The following CDK5RAP2 variants were observed in gnomAD, a reference collection of about 807,000 sequenced individuals.
CDK5RAP2 encodes CDK5 regulatory subunit associated protein 2.
Under a neutral mutation model 232.9 loss-of-function variants are expected in CDK5RAP2, and 147 were observed. The ratio of observed to expected loss-of-function variants is 0.63; its 90% CI spans 0.55 to 0.72. The LOEUF (loss-of-function observed/expected upper bound fraction) is 0.72, where lower values mean the gene tolerates loss of function less well. CDK5RAP2 is among the 30% of genes least tolerant of loss of function. The pLI is 0.00. For missense variants in CDK5RAP2, 2,195 were observed against 2,231.5 expected (o/e 0.98, Z 0.33); for synonymous variants, 833 against 833.7 (o/e 1.00, Z 0.01).
chr9:120,409,991 A>G (rs967273256), intron 29 of CDK5RAP2, among the ~76,000 whole-genome samples: 2 of 152,198 alleles, frequency 1.3e-5, no homozygotes, highest in African/African-American at 4.8e-5. Flanking sequence ...TGGAAGCTTC[A>G]TAAGGACGAG....
At chr9:120,561,598 C>T (rs547098726) in intron 3 of CDK5RAP2, among the ~76,000 whole-genome samples, 2 of 152,308 alleles carry the variant, frequency 1.3e-5, no homozygotes, top group South Asian at 4.1e-4. Flanking sequence ...CCACACCCAG[C>T]CTCAATAACA....
chr9:120,422,330 A>C (rs1000508248), intron 26 of CDK5RAP2, among the ~76,000 whole-genome samples: 3 of 152,200 alleles, frequency 2.0e-5, no homozygotes, highest in Non-Finnish European at 4.4e-5. Context: ...AAGGGAAGCG[A>C]GGAGAATGGG....
Position 120,403,722 on chromosome 9 carries a change from C to A in CDK5RAP2, c.5041+314G>T. The A allele has an allele frequency of 2.3e-6, 1 of 431,506 alleles. No homozygotes were observed. Among genetic ancestry groups the A allele is most frequent in the Non-Finnish European group, 4.3e-6 (1 of 231,600 alleles). 26.7% of individuals were successfully genotyped at this position (431,506 alleles called of 1,614,324 possible). A position where few individuals can be genotyped will look rare whatever the true frequency, so the allele number is the denominator to read the frequency against. On this transcript the variant is annotated intron_variant, in intron 33 of 37. Coordinates refer to ENST00000349780, the MANE Select transcript of CDK5RAP2 (RefSeq NM_018249.6). This position sits in a 1 kb window ranked among gnomAD's most constrained non-coding sequence, Gnocchi z 4.2. The stretch of plus-strand genomic sequence containing the variant: ...GGATGGTGACCCCTGTGTGGCTACA[C>A]CAGGTTAAGGGATAAGGCTGGACGG...
At chr9:120,445,469 C>A (rs907114578) in intron 22 of CDK5RAP2, among the ~76,000 whole-genome samples, 12 of 152,174 alleles carry the variant, frequency 7.9e-5, no homozygotes, top group African/African-American at 2.9e-4. Context: ...CTTGCTGTCT[C>A]CAATCTCTCT....
At chr9:120,415,961 A>G (rs1041617987) in intron 27 of CDK5RAP2, among the ~76,000 whole-genome samples, 1 of 152,238 alleles carries the variant, frequency 6.6e-6, no homozygotes, top group Non-Finnish European at 1.5e-5. Context: ...TTATGTTATG[A>G]AGACTATATA....
chr9:120,496,793 T>G (rs1588487434), intron 12 of CDK5RAP2, among the ~76,000 whole-genome samples: 24 of 103,528 alleles, frequency 2.3e-4, no homozygotes, highest in Admixed American at 3.8e-4. Flanking sequence ...GTGGGGGGGG[T>G]CAGCCCCCCT....
intron 25 of CDK5RAP2, among the ~76,000 whole-genome samples, chr9:120,427,305 T>G (rs1188057003): frequency 2.6e-5 from 4 of 152,260 alleles, no homozygotes; most frequent in Non-Finnish European, 2.9e-5. Flanking sequence ...GTTTACAAAT[T>G]TGCATTGTGC....
At chr9:120,561,828 C>T (rs2042474239) in intron 3 of CDK5RAP2, among the ~76,000 whole-genome samples, 2 of 152,158 alleles carry the variant, frequency 1.3e-5, no homozygotes, top group African/African-American at 4.8e-5. Flanking sequence ...AACTGCACTA[C>T]CTTGTGCTGA....
intron 25 of CDK5RAP2, among the ~76,000 whole-genome samples, chr9:120,423,813 A>C (rs1210234977): frequency 6.6e-6 from 1 of 152,240 alleles, no homozygotes; most frequent in African/African-American, 2.4e-5. Context: ...CAAACACCAC[A>C]GTATAGAGGA....
Position 120,510,348 on chromosome 9 carries a change from G to A in CDK5RAP2, c.1311+8079C>T, listed in dbSNP as rs1017003035. Among the ~76,000 whole-genome samples the A allele has an allele frequency of 5.9e-5, 9 of 152,170 alleles. No individual in the cohort carries two copies. The South Asian group carries it at 1.2e-3, about 21-fold the overall frequency. The stretch of plus-strand genomic sequence containing the variant: ...TGAAGCACACACTTGTCAGGGTAGC[G>A]GATGACGGGTCTCATAACAGATGAA... On this transcript the variant is annotated intron_variant, in intron 12 of 37. Coordinates refer to ENST00000349780, the MANE Select transcript of CDK5RAP2 (RefSeq NM_018249.6).
intron 25 of CDK5RAP2, among the ~76,000 whole-genome samples, chr9:120,423,744 A>G (rs958386288): frequency 6.6e-6 from 1 of 152,270 alleles, no homozygotes; most frequent in Admixed American, 6.5e-5. Flanking sequence ...AAATGAGACT[A>G]TAATTAAACT....
chr9:120,480,579 T>A (rs183417813), intron 14 of CDK5RAP2, among the ~76,000 whole-genome samples: 1 of 146,102 alleles, frequency 6.8e-6, no homozygotes, highest in Admixed American at 6.7e-5. Flanking sequence ...CATAGCATAA[T>A]TTTTTTATAT....
chr9:120,439,444 T>A lies in CDK5RAP2; in HGVS notation c.3677A>T (p.Glu1226Val), dbSNP rs1341541965. ...GAACTTATTCTGCAGATTATGGATC[T>A]CACTGAAAAGTTGCATGTTCAAATT... ...EQNLNMQLFS[E>V]IHNLQNKFRD... Residue 1226 changes from glutamate to valine, a missense_variant, in exon 24 of 38, where the codon GAG becomes GTG. Coordinates refer to ENST00000349780, the MANE Select transcript of CDK5RAP2 (RefSeq NM_018249.6). 1 of 1,614,214 alleles carries A rather than the reference T, an allele frequency of 6.2e-7. No individual in the cohort carries two copies. Among genetic ancestry groups the A allele is most frequent in the East Asian group, 2.2e-5 (1 of 44,884 alleles).
At chr9:120,519,731 T>C (rs1196727949) in intron 11 of CDK5RAP2, among the ~76,000 whole-genome samples, 1 of 152,272 alleles carries the variant, frequency 6.6e-6, no homozygotes, top group Non-Finnish European at 1.5e-5. Flanking sequence ...TTTGTCTTCC[T>C]TAACCTCCCT....
chr9:120,510,501 G>A (rs747541687), intron 12 of CDK5RAP2, among the ~76,000 whole-genome samples: 1 of 152,168 alleles, frequency 6.6e-6, no homozygotes, highest in Non-Finnish European at 1.5e-5. Context: ...CCAAGCGCCT[G>A]AACCAGAGAG....
chr9:120,462,039 T>C (rs2037121030), intron 18 of CDK5RAP2, among the ~76,000 whole-genome samples: 1 of 152,212 alleles, frequency 6.6e-6, no homozygotes, highest in Admixed American at 6.5e-5. Flanking sequence ...AGGAACAACC[T>C]TGTTGTGGAA....
At chr9:120,416,153 G>A (rs528801922) in intron 27 of CDK5RAP2, among the ~76,000 whole-genome samples, 88 of 151,994 alleles carry the variant, frequency 5.8e-4, no homozygotes, top group African/African-American at 1.5e-3. Context: ...GACACCGGCC[G>A]GGCGTCCTCT....
chr9:120,460,786 A>G, intron 18 of CDK5RAP2, 119 bp from the exon 19 acceptor site: 1 of 1,513,380 alleles, frequency 6.6e-7, no homozygotes. Flanking sequence ...CAAACAAAAA[A>G]GAGGAAGAAA....
chr9:120,508,137 T>G (rs2039918688), intron 12 of CDK5RAP2, among the ~76,000 whole-genome samples: 1 of 151,996 alleles, frequency 6.6e-6, no homozygotes, highest in Non-Finnish European at 1.5e-5. Context: ...CAGGTTTCAC[T>G]GCGAGAAAGC....
Sources: allele counts gnomAD v4.1 joint callset (sites outside exome capture counted in the v4.1 genomes callset), GRCh38; gene constraint gnomAD v4.1.1; non-coding constraint Gnocchi (gnomAD v3.1); transcripts MANE v1.5; gene names NCBI Gene and HGNC (gene_info 2026-07-23, HGNC 2026-07-21).